The following NBEAL1 variants were observed in gnomAD, a reference collection of about 807,000 sequenced individuals.
NBEAL1 encodes neurobeachin like 1.
Under a neutral mutation model 351.3 loss-of-function variants are expected in NBEAL1, and 273 were observed. The observed-to-expected ratio is 0.78, with a 90% CI of 0.70 to 0.86. NBEAL1 has a LOEUF of 0.86. Ranked by LOEUF, NBEAL1 falls within the 40% of genes least tolerant of loss-of-function variation. The pLI, the probability that NBEAL1 is intolerant of heterozygous loss-of-function variation, is 0.00. For missense variants in NBEAL1, 2,961 were observed against 3,201.3 expected, an observed-to-expected ratio of 0.92 and a Z score of 1.81; for synonymous variants, 1,050 against 1,086.4, an observed-to-expected ratio of 0.97 and a Z score of 0.66.
At chr2:203,158,815 G>GTTTTTTTTTTTTTTTTTTTTTTTTTGTGT (rs71034220) in intron 36 of NBEAL1, among the ~76,000 whole-genome samples, 1 of 84,362 alleles carries the variant, frequency 1.2e-5, no homozygotes, top group African/African-American at 4.7e-5. Flanking sequence ...TTTCTGTAGG[G>GTTTTTTTTTTTTTTTTTTTTTTTTTGTGT]TTTTTTTTTT....
chr2:203,153,555 T>G (rs2063718716), intron 35 of NBEAL1, among the ~76,000 whole-genome samples: 1 of 152,122 alleles, frequency 6.6e-6, no homozygotes, highest in Non-Finnish European at 1.5e-5. Context: ...TTGAAATAAA[T>G]CAGATACAGT....
At chr2:203,166,914 T>A (rs556643513) in intron 37 of NBEAL1, among the ~76,000 whole-genome samples, 1 of 152,072 alleles carries the variant, frequency 6.6e-6, no homozygotes, top group Non-Finnish European at 1.5e-5. Context: ...AGGCTTCTCA[T>A]GTCATCCTTT....
intron 50 of NBEAL1, 31 bp downstream of exon 50, chr2:203,201,746 C>A (rs1418630981): frequency 2.0e-5 from 31 of 1,531,640 alleles, no homozygotes; most frequent in South Asian, 2.5e-5. Context: ...CAAAAATGCT[C>A]AAAAATTTTC....
intron 48 of NBEAL1, 129 bp downstream of exon 48, chr2:203,197,520 G>A (rs2065272358): frequency 1.8e-6 from 1 of 555,302 alleles, no homozygotes; most frequent in Non-Finnish European, 3.2e-6. Flanking sequence ...TGTAATCCCA[G>A]CGCTTTGGGA....
intron 33 of NBEAL1, among the ~76,000 whole-genome samples, chr2:203,146,460 G>A (rs1418322893): frequency 6.6e-6 from 1 of 151,988 alleles, no homozygotes; most frequent in African/African-American, 2.4e-5. Context: ...TATCTGTCAG[G>A]AACATAGCTA....
In NBEAL1 at chr2:203,040,249, A is replaced by C. The variant is rs956254813; in HGVS notation, c.52-1516A>C. Reference sequence around the variant, plus strand: ...GGAGCAGAGGAAAGGAAAAAGGCTCAGGTTTAAGCGACTGGAATCATTCCT... The same window carrying C: ...GGAGCAGAGGAAAGGAAAAAGGCTCCGGTTTAAGCGACTGGAATCATTCCT... On this transcript the variant is annotated intron_variant, in intron 2 of 55. Coordinates refer to ENST00000683969, the MANE Select transcript of NBEAL1 (RefSeq NM_001378026.1). 5 of 914,726 alleles carry C rather than the reference A, an allele frequency of 5.5e-6. No individual in the cohort carries two copies. In the African/African-American group the frequency reaches 8.2e-5, roughly 15 times the overall value. The allele number at this position is 914,726 out of a possible 1,614,324, so 56.7% of individuals were successfully genotyped here. A position where few individuals can be genotyped will look rare whatever the true frequency, so the allele number is the denominator to read the frequency against.
At chr2:203,204,654 A>AG (rs1167815891) in intron 51 of NBEAL1, among the ~76,000 whole-genome samples, 1 of 152,174 alleles carries the variant, frequency 6.6e-6, no homozygotes, top group East Asian at 1.9e-4. Flanking sequence ...GTGTCTTTTC[A>AG]TGTTTGTTTC....
chr2:203,161,474 C>T (rs1445042410), intron 36 of NBEAL1, among the ~76,000 whole-genome samples: 1 of 149,332 alleles, frequency 6.7e-6, no homozygotes, highest in Non-Finnish European at 1.5e-5. Context: ...ACTAGAAATA[C>T]AAAAATTAGC....
At chr2:203,028,372 G>A (rs1381637246) in intron 2 of NBEAL1, among the ~76,000 whole-genome samples, 1 of 151,858 alleles carries the variant, frequency 6.6e-6, no homozygotes, top group African/African-American at 2.4e-5. Context: ...TTACTTTTAT[G>A]CTGAGCTTTA....
intron 17 of NBEAL1, among the ~76,000 whole-genome samples, chr2:203,115,246 G>A (rs948010276): frequency 2.0e-5 from 3 of 150,606 alleles, no homozygotes; most frequent in African/African-American, 4.9e-5. Context: ...TCCACCTTCC[G>A]AGTAGCTGGG....
chr2:203,176,942 A>G (rs1160036149), intron 42 of NBEAL1, among the ~76,000 whole-genome samples: 2 of 152,050 alleles, frequency 1.3e-5, no homozygotes, highest in Non-Finnish European at 2.9e-5. Context: ...ACTTGAGCCC[A>G]TGAGTTTGAG....
chr2:203,180,614 A>G (rs1287720167), intron 43 of NBEAL1, 102 bp downstream of exon 43: 37 of 1,076,086 alleles, frequency 3.4e-5, no homozygotes, highest in Non-Finnish European at 4.6e-5. Context: ...ATTATTTAAG[A>G]TTCATTCTGT....
At chr2:203,161,323 T>A in intron 36 of NBEAL1, among the ~76,000 whole-genome samples, 1 of 109,156 alleles carries the variant, frequency 9.2e-6, no homozygotes, top group East Asian at 2.8e-4. Context: ...CTAGACTCCA[T>A]CTCAAAAAAA....
Position 203,125,519 on chromosome 2 carries a change from A to G in NBEAL1, c.2850A>G (p.Ser950=). 1 of 1,437,178 alleles carries G rather than the reference A, an allele frequency of 7.0e-7. No homozygotes were observed. The highest frequency in any genetic ancestry group is 9.1e-7 in the Non-Finnish European group (1 of 1,095,112). 89.0% of individuals were successfully genotyped at this position (1,437,178 alleles called of 1,614,324 possible). The change falls in exon 20 of 56, where the codon TCA becomes TCG. Residue 950 remains serine, a splice_region_variant and synonymous_variant. Coordinates refer to ENST00000683969, the MANE Select transcript of NBEAL1 (RefSeq NM_001378026.1). The part of the protein sequence containing the change: ...DWLVWTSTKA[S]ESRLERNLVA... ...TCGTATGGACTTCCACAAAGGCCTC[A>G]GGTATTAAGATGAAATTAACACAAA...
In NBEAL1 at chr2:203,180,381, G is replaced by T; in HGVS notation, c.6465-1G>T. On this transcript the variant is annotated splice_acceptor_variant, in intron 42 of 55. Coordinates refer to ENST00000683969, the MANE Select transcript of NBEAL1 (RefSeq NM_001378026.1). LOFTEE classifies it high-confidence loss of function. The stretch of plus-strand genomic sequence containing the variant: ...ACTTCTCTTTTAATTTCTACATGCA[G>T]GTTTGACTGTGCAGATCGACAGTTC... 6.2e-7 allele frequency: 1 copy of T among 1,604,568 alleles called. No individual in the cohort carries two copies. The highest frequency in any genetic ancestry group is 1.1e-5 in the South Asian group (1 of 88,224).
chr2:203,157,682 T>C lies in NBEAL1; in HGVS notation c.5588-17T>C, dbSNP rs932919860. On this transcript the variant is annotated splice_polypyrimidine_tract_variant and intron_variant, in intron 35 of 55. Transcript: ENST00000683969. ...TTTTTTACTTTATGTTTAATAGATA[T>C]TTTGTGTTTAAAACAGGTATCCAAC... is the stretch of plus-strand genomic sequence containing the variant. The C allele has an allele frequency of 6.4e-7, 1 of 1,553,004 alleles. No homozygotes were observed. Among genetic ancestry groups the C allele is most frequent in the African/African-American group, 1.4e-5 (1 of 72,064 alleles).
chr2:203,111,765 T>C (rs190652325), intron 15 of NBEAL1, among the ~76,000 whole-genome samples: 1 of 152,310 alleles, frequency 6.6e-6, no homozygotes, highest in East Asian at 1.9e-4. Flanking sequence ...GCAGAAAAGG[T>C]ACTGTTACAA....
intron 45 of NBEAL1, 57 bp downstream of exon 45, chr2:203,188,646 A>G (rs1002065511): frequency 3.1e-6 from 3 of 973,108 alleles, no homozygotes; most frequent in East Asian, 2.4e-5. Context: ...GTTGTTTAAT[A>G]TATGTTTACA....
At chr2:203,179,102 T>G (rs2064617442) in intron 42 of NBEAL1, among the ~76,000 whole-genome samples, 1 of 152,228 alleles carries the variant, frequency 6.6e-6, no homozygotes, top group Admixed American at 6.5e-5. Context: ...AATTGGTCAT[T>G]AATGTCACTT....
Sources: allele counts gnomAD v4.1 joint callset (sites outside exome capture counted in the v4.1 genomes callset), GRCh38; gene constraint gnomAD v4.1.1; transcripts MANE v1.5; gene names NCBI Gene and HGNC (gene_info 2026-07-23, HGNC 2026-07-21).